XPOT: variants seen among roughly 807,000 people sequenced by gnomAD.
XPOT encodes the protein exportin for tRNA.
A neutral mutation model predicts 128.2 loss-of-function variants in XPOT; 34 were observed. The ratio of observed to expected loss-of-function variants is 0.27; its 90% CI spans 0.20 to 0.35. The LOEUF (loss-of-function observed/expected upper bound fraction) is 0.35. Among genes scored for constraint, XPOT ranks in the 10% least tolerant of loss-of-function variants. XPOT has a pLI of 1.00. For missense variants in XPOT, 838 were observed against 1,125.3 expected, an observed-to-expected ratio of 0.74 and a Z score of 3.65; for synonymous variants, 348 against 394.3, an observed-to-expected ratio of 0.88 and a Z score of 1.39.
rs765885848 is a variant in XPOT, at chr12:64,418,921, G to A, written c.316G>A (p.Ala106Thr). Residue 106 changes from alanine to threonine, a missense_variant, in exon 6 of 25, where the codon GCC (alanine) becomes ACC (threonine). Around this residue, in one of 3 missense-constraint regions of XPOT, gnomAD observed 761 missense variants for 988.3 expected, o/e 0.77. Coordinates refer to ENST00000332707, the MANE Select transcript of XPOT (RefSeq NM_007235.6). The stretch of plus-strand genomic sequence containing the variant: ...GAAGACCTTTATACGAAATAAAGCC[G>A]CCCAAGTCTTCGCCTTGCTTTTTGT... The part of the protein sequence containing the change: ...PEKTFIRNKA[A>T]QVFALLFVTE... The A allele has an allele frequency of 3.7e-6, 6 of 1,613,734 alleles. No homozygotes were observed. The highest frequency in any genetic ancestry group is 3.3e-5 in the South Asian group (3 of 91,062).
Position 64,419,013 on chromosome 12 carries a change from A to G in XPOT, c.408A>G (p.Pro136=). The change falls in exon 6 of 25, where the codon CCA becomes CCG. Residue 136 remains proline (P), a synonymous_variant. Transcript: ENST00000332707. ...FDILSVVDLN[P]RGVDLYLRIL... ...TTCTCTCAGTAGTGGACCTAAATCC[A>G]AGGGGAGTAGATCTCTACCTGCGAA... 1 of 1,614,128 alleles carries G rather than the reference A, an allele frequency of 6.2e-7. No individual in the cohort carries two copies. Among genetic ancestry groups the G allele is most frequent in the Non-Finnish European group, 8.5e-7 (1 of 1,180,020 alleles).
rs763046943 is a variant in XPOT at position 64,445,066 on chromosome 12, A to AC, written c.2806-3dup. The AC allele has an allele frequency of 2.3e-5, 37 of 1,595,030 alleles. No individual in the cohort carries two copies. The highest frequency in any genetic ancestry group is 1.7e-4 in the Middle Eastern group (1 of 5,998). ...TGTTCTTTTTCTCCCTCTTTTCCCC[A>AC]CCCCCCAGGAGTTTTGTCAAGCGCT... is the stretch of plus-strand genomic sequence containing the variant. On this transcript the variant is annotated splice_polypyrimidine_tract_variant and intron_variant, in intron 23 of 24. Transcript: ENST00000332707.
intron 21 of XPOT, 106 bp downstream of exon 21, chr12:64,435,015 T>G (rs2040270714): frequency 3.1e-6 from 3 of 957,720 alleles, no homozygotes; most frequent in Non-Finnish European, 3.1e-6. Context: ...TTTTTTTAAC[T>G]TAGTGATTTC....
chr12:64,409,123 A>G (rs1215438188), intron 1 of XPOT, among the ~76,000 whole-genome samples: 1 of 152,044 alleles, frequency 6.6e-6, no homozygotes, highest in Non-Finnish European at 1.5e-5. Context: ...TGTTCCTTTC[A>G]TTAGACTTCT....
At chr12:64,425,478 T>C in intron 14 of XPOT, 21 bp downstream of exon 14, 1 of 1,611,312 alleles carries the variant, frequency 6.2e-7, no homozygotes. Flanking sequence ...TGGATTTTTG[T>C]TACTTTCCAT....
chr12:64,447,640 G>A (rs534462770), intron 24 of XPOT, among the ~76,000 whole-genome samples: 3 of 152,100 alleles, frequency 2.0e-5, no homozygotes, highest in South Asian at 2.1e-4. Flanking sequence ...CACCACACCC[G>A]GCTAATTTTT....
intron 3 of XPOT, 104 bp from the exon 4 acceptor site, chr12:64,416,594 A>T: frequency 1.2e-6 from 1 of 849,388 alleles, no homozygotes; most frequent in Non-Finnish European, 1.9e-6. Flanking sequence ...CCAAAGGTCT[A>T]GTTTGAGAAA....
rs769778025 is a variant in XPOT at position 64,423,217 on chromosome 12, C to T, written c.1155C>T (p.Tyr385=). 15 of 1,593,112 alleles carry T rather than the reference C, an allele frequency of 9.4e-6. No homozygotes were observed. The highest frequency in any genetic ancestry group is 6.7e-5 in the East Asian group (3 of 44,468). ...TGGCCGTTATGAAAAAATTGACTTA[C>T]GATGAAGAATATAACTTTGAAAATG... is the stretch of plus-strand genomic sequence containing the variant. ...IMLAVMKKLT[Y]DEEYNFENEG... Residue 385 remains tyrosine, a synonymous_variant, in exon 11 of 25, where the codon TAC becomes TAT. Transcript: ENST00000332707.
intron 19 of XPOT, 106 bp downstream of exon 19, chr12:64,433,709 G>T: frequency 8.9e-7 from 1 of 1,121,130 alleles, no homozygotes; most frequent in Non-Finnish European, 1.2e-6. Flanking sequence ...TTTGAAGTTT[G>T]CTATCCCATG....
chr12:64,436,791 C>T (rs1267944767), intron 22 of XPOT, among the ~76,000 whole-genome samples: 2 of 152,174 alleles, frequency 1.3e-5, no homozygotes, highest in Non-Finnish European at 2.9e-5. Flanking sequence ...ATTGTCCCTA[C>T]ACTGGTCTTG....
At chr12:64,411,477 C>T (rs1432969166) in intron 2 of XPOT, among the ~76,000 whole-genome samples, 1 of 151,992 alleles carries the variant, frequency 6.6e-6, no homozygotes, top group Non-Finnish European at 1.5e-5. Context: ...TTAAATGTGC[C>T]ATGATTTCTT....
At chr12:64,444,931 C>A in intron 23 of XPOT, 144 bp from the exon 24 acceptor site, 1 of 533,342 alleles carries the variant, frequency 1.9e-6, no homozygotes, top group Non-Finnish European at 3.2e-6. Flanking sequence ...TATGATCACA[C>A]CACTGTACTC....
At chr12:64,432,953 A>G (rs1407331340) in intron 18 of XPOT, among the ~76,000 whole-genome samples, 1 of 152,006 alleles carries the variant, frequency 6.6e-6, no homozygotes, top group Non-Finnish European at 1.5e-5. Context: ...TTTTTTCCCC[A>G]CCTTGAAATG....
intron 2 of XPOT, among the ~76,000 whole-genome samples, chr12:64,414,424 G>C (rs2040068209): frequency 6.6e-6 from 1 of 152,142 alleles, no homozygotes; most frequent in African/African-American, 2.4e-5. Flanking sequence ...ATACTCTCCT[G>C]TGTAACAGTA....
In XPOT at chr12:64,450,243, C is replaced by T. The variant is rs1392601449; in HGVS notation, c.*2112C>T. On this transcript the variant is annotated 3_prime_UTR_variant, in exon 25 of 25. Transcript: ENST00000332707. ...ACATCATAGCTCACTGTAACTTCTC[C>T]CATACTCTACCAATCCTCCTGCCTC... 6.6e-5 allele frequency: 10 copies of T among 151,936 alleles called. No homozygotes were observed. The highest frequency in any genetic ancestry group is 4.6e-4 in the Admixed American group (7 of 15,254). The allele number at this position is 151,936 out of a possible 1,614,324, so 9.4% of individuals were successfully genotyped here. A position where few individuals can be genotyped will look rare whatever the true frequency, so the allele number is the denominator to read the frequency against.
At chr12:64,445,721 C>T (rs1473603563) in intron 24 of XPOT, among the ~76,000 whole-genome samples, 1 of 152,276 alleles carries the variant, frequency 6.6e-6, no homozygotes, top group African/African-American at 2.4e-5. Flanking sequence ...ACAGTAATGG[C>T]TGCAAATACA....
intron 24 of XPOT, 118 bp downstream of exon 24, chr12:64,445,249 G>A (rs922253412): frequency 1.4e-6 from 1 of 727,260 alleles, no homozygotes; most frequent in Non-Finnish European, 2.2e-6. Flanking sequence ...CTAAGCTCTT[G>A]AAAAAGAGTA....
chr12:64,443,354 A>C (rs2040342238), intron 23 of XPOT: 1 of 152,334 alleles, frequency 6.6e-6, no homozygotes, highest in Admixed American at 6.5e-5. Flanking sequence ...AGGTAAGAGA[A>C]CAGCAGACAT....
chr12:64,425,671 G>A (rs946834135), intron 14 of XPOT, 144 bp from the exon 15 acceptor site: 2 of 970,758 alleles, frequency 2.1e-6, no homozygotes, highest in Non-Finnish European at 3.1e-6. Flanking sequence ...CTGTTTGTGT[G>A]TAGTTTAGAA....
Sources: allele counts gnomAD v4.1 joint callset (sites outside exome capture counted in the v4.1 genomes callset), GRCh38; gene constraint gnomAD v4.1.1; regional missense constraint gnomAD v4.1.1; transcripts MANE v1.5; gene names NCBI Gene and HGNC (gene_info 2026-07-23, HGNC 2026-07-21).